LTBP1: variants seen among roughly 807,000 people sequenced by gnomAD.
The protein encoded by LTBP1 is latent transforming growth factor beta binding protein 1, also known as latent-transforming growth factor beta-binding protein 1.
A neutral mutation model predicts 207.6 loss-of-function variants in LTBP1; 129 were observed. That is an observed-to-expected ratio of 0.62 (90% CI 0.54 to 0.72). The LOEUF (loss-of-function observed/expected upper bound fraction) is 0.72, where lower values mean the gene tolerates loss of function less well. Among genes scored for constraint, LTBP1 ranks in the 30% least tolerant of loss-of-function variants. The pLI is 0.00. For missense variants in LTBP1, 2,281 were observed against 2,217.2 expected (o/e 1.03, Z -0.58); for synonymous variants, 963 against 833.7 (o/e 1.16, Z -2.67).
chr2:33,244,888 T>TATCTATCTATCTATCTATC (rs1558876164), intron 10 of LTBP1, among the ~76,000 whole-genome samples: 8 of 120,794 alleles, frequency 6.6e-5, no homozygotes, highest in African/African-American at 2.4e-4. Flanking sequence ...ATCTATCTAT[T>TATCTATCTATCTATCTATC]TATTTTTGAG....
In LTBP1 at chr2:33,217,611, C is replaced by G; in HGVS notation, c.1761C>G (p.Thr587=). 1 of 1,613,894 alleles carries G rather than the reference C, an allele frequency of 6.2e-7. No homozygotes were observed. Among genetic ancestry groups the G allele is most frequent in the South Asian group, 1.1e-5 (1 of 91,064 alleles). The change falls in exon 8 of 34, where the codon ACC becomes ACG. Residue 587 remains threonine, a synonymous_variant. Coordinates refer to ENST00000404816, the MANE Select transcript of LTBP1 (RefSeq NM_206943.4). ...KQEDCCGTVG[T]SWGFNKCQKC... ...AGGACTGCTGTGGAACTGTGGGTAC[C>G]TCCTGGGGCTTTAACAAATGCCAGA... is the stretch of plus-strand genomic sequence containing the variant.
At chr2:33,138,369 A>T (rs1051356228) in intron 5 of LTBP1, among the ~76,000 whole-genome samples, 1 of 152,162 alleles carries the variant, frequency 6.6e-6, no homozygotes, top group Admixed American at 6.5e-5. Context: ...ATTTTTATGG[A>T]TAGTGATTTT....
At chr2:33,314,265 C>T (rs2094231224) in intron 23 of LTBP1, among the ~76,000 whole-genome samples, 1 of 152,224 alleles carries the variant, frequency 6.6e-6, no homozygotes, top group South Asian at 2.1e-4. Context: ...AAAAGTCCTT[C>T]TCAGCCAAGC....
At chr2:32,977,403 C>T (rs969529917) in intron 2 of LTBP1, among the ~76,000 whole-genome samples, 4 of 152,190 alleles carry the variant, frequency 2.6e-5, no homozygotes, top group Non-Finnish European at 4.4e-5. Flanking sequence ...GAAACAGGAC[C>T]ACTGGGCGGG....
chr2:33,318,491 T>C (rs748332673), intron 24 of LTBP1, among the ~76,000 whole-genome samples: 1 of 152,216 alleles, frequency 6.6e-6, no homozygotes, highest in Non-Finnish European at 1.5e-5. Flanking sequence ...ATGTGTAGGA[T>C]ACATTAAGTG....
chr2:32,959,419 A>T (rs924184708), intron 2 of LTBP1, among the ~76,000 whole-genome samples: 1 of 151,808 alleles, frequency 6.6e-6, no homozygotes, highest in Non-Finnish European at 1.5e-5. Flanking sequence ...TAAAGTAAGG[A>T]AAATAGAAGG....
intron 10 of LTBP1, among the ~76,000 whole-genome samples, chr2:33,250,289 G>A (rs1369774258): frequency 6.6e-6 from 1 of 152,192 alleles, no homozygotes; most frequent in Non-Finnish European, 1.5e-5. Context: ...GTAGATTAAA[G>A]AAAATGTGAA....
chr2:33,200,102 CT>C (rs1317221903), intron 7 of LTBP1, among the ~76,000 whole-genome samples: 1 of 152,194 alleles, frequency 6.6e-6, no homozygotes, highest in Non-Finnish European at 1.5e-5. Flanking sequence ...CAATGACTTT[CT>C]TCACAGAATT....
At chr2:33,217,764 A>C in intron 8 of LTBP1, 110 bp downstream of exon 8, 1 of 794,694 alleles carries the variant, frequency 1.3e-6, no homozygotes, top group Non-Finnish European at 2.1e-6. Flanking sequence ...TCTCCTACTG[A>C]ATTCTAGAAT....
At chr2:33,020,368 T>A (rs2075105900) in intron 2 of LTBP1, among the ~76,000 whole-genome samples, 1 of 152,108 alleles carries the variant, frequency 6.6e-6, no homozygotes, top group South Asian at 2.1e-4. Context: ...TGGCAAAAAA[T>A]TTAGGCTTAA....
intron 26 of LTBP1, among the ~76,000 whole-genome samples, chr2:33,356,631 C>G (rs1382501105): frequency 6.6e-6 from 1 of 152,138 alleles, no homozygotes; most frequent in East Asian, 1.9e-4. Context: ...GCCTGGGCAA[C>G]AGAGTGAGTC....
chr2:33,096,006 CAT>C (rs1246075616), intron 3 of LTBP1, among the ~76,000 whole-genome samples: 1 of 151,910 alleles, frequency 6.6e-6, no homozygotes. Context: ...AGGTGAAAAA[CAT>C]AAATTTAGAG....
chr2:33,346,379 G>C (rs1386769037), intron 25 of LTBP1, among the ~76,000 whole-genome samples: 2 of 152,140 alleles, frequency 1.3e-5, no homozygotes, highest in Non-Finnish European at 2.9e-5. Flanking sequence ...TTCTAACTTT[G>C]CTTGAATTAA....
intron 2 of LTBP1, among the ~76,000 whole-genome samples, chr2:33,020,262 C>G (rs931557702): frequency 1.3e-5 from 2 of 152,126 alleles, no homozygotes; most frequent in Non-Finnish European, 2.9e-5. Flanking sequence ...CTGACACAGT[C>G]TCTCGAAGAT....
intron 9 of LTBP1, among the ~76,000 whole-genome samples, chr2:33,237,412 T>C (rs930120944): frequency 2.7e-4 from 41 of 152,202 alleles, no homozygotes; most frequent in African/African-American, 9.4e-4. Flanking sequence ...TCTAGAACAT[T>C]GGTTTTCAAA....
At chr2:33,252,408 G>A (rs537062953) in intron 10 of LTBP1, among the ~76,000 whole-genome samples, 5 of 152,142 alleles carry the variant, frequency 3.3e-5, no homozygotes, top group Non-Finnish European at 5.9e-5. Flanking sequence ...TCTTCATTAC[G>A]CACACATACC....
intron 22 of LTBP1, among the ~76,000 whole-genome samples, chr2:33,308,511 A>G (rs76678987): frequency 5.9e-5 from 9 of 152,230 alleles, no homozygotes; most frequent in Middle Eastern, 3.4e-3. Context: ...GAAATTTACT[A>G]TAAGTAAATT....
Position 33,077,412 on chromosome 2 carries a change from A to G in LTBP1, c.864-33170A>G, listed in dbSNP as rs1041324545. Among the ~76,000 whole-genome samples, 7 of 152,216 alleles carry G rather than the reference A, an allele frequency of 4.6e-5. No individual in the cohort carries two copies. In the East Asian group the frequency reaches 1.3e-3, roughly 29 times the overall value. On this transcript the variant is annotated intron_variant, in intron 3 of 33. Coordinates refer to ENST00000404816, the MANE Select transcript of LTBP1 (RefSeq NM_206943.4). ...ATTGGCTCAGGGTTCTGCAGGCTGTACAGGAAGCACGGCAGCATCTGCTTC... is the reference window on the plus strand; with the variant it reads ...ATTGGCTCAGGGTTCTGCAGGCTGTGCAGGAAGCACGGCAGCATCTGCTTC...
chr2:33,041,869 G>A (rs973478300), intron 3 of LTBP1, among the ~76,000 whole-genome samples: 1 of 152,126 alleles, frequency 6.6e-6, no homozygotes, highest in Non-Finnish European at 1.5e-5. Context: ...ATTTGAAGAG[G>A]TGAGGTAGCT....
Sources: allele counts gnomAD v4.1 joint callset (sites outside exome capture counted in the v4.1 genomes callset), GRCh38; gene constraint gnomAD v4.1.1; transcripts MANE v1.5; gene names NCBI Gene and HGNC (gene_info 2026-07-23, HGNC 2026-07-21).